The following PIK3C2G variants were observed in gnomAD, a reference collection of about 807,000 sequenced individuals.
The protein encoded by PIK3C2G is phosphatidylinositol-4-phosphate 3-kinase catalytic subunit type 2 gamma, also known as phosphatidylinositol 3-kinase C2 domain-containing subunit gamma.
Under a neutral mutation model 181.1 loss-of-function variants are expected in PIK3C2G, and 168 were observed. The ratio of observed to expected loss-of-function variants is 0.93; its 90% CI spans 0.82 to 1.05. The LOEUF (loss-of-function observed/expected upper bound fraction) is 1.05, where lower values mean the gene tolerates loss of function less well. Among genes scored for constraint, PIK3C2G ranks in the 50% least tolerant of loss-of-function variants. PIK3C2G has a pLI of 0.00. For synonymous variants in PIK3C2G, 573 were observed against 592.2 expected (o/e 0.97, Z 0.47); for missense variants, 1,869 against 1,732.8 (o/e 1.08, Z -1.40).
the PIK3C2G span, chr12:18,701,641 C>G: frequency 1.3e-6 from 2 of 1,598,788 alleles, no homozygotes; most frequent in Admixed American, 1.7e-5. Flanking sequence ...TCCTCCTCCT[C>G]CTCCTCCTCC....
the PIK3C2G span, among the ~76,000 whole-genome samples, chr12:18,681,438 A>C: frequency 6.6e-6 from 1 of 152,070 alleles, no homozygotes; most frequent in Admixed American, 6.6e-5. Context: ...CCTAAAAAGC[A>C]TTAATCAAAT....
the PIK3C2G span, among the ~76,000 whole-genome samples, chr12:18,665,948 A>AT: frequency 6.6e-6 from 1 of 151,376 alleles, no homozygotes; most frequent in Non-Finnish European, 1.5e-5. Context: ...AAAAAAAAAA[A>AT]ACTAGTTGGG....
chr12:18,664,528 A>G, the PIK3C2G span, among the ~76,000 whole-genome samples: 1 of 152,166 alleles, frequency 6.6e-6, no homozygotes, highest in Admixed American at 6.5e-5. Context: ...ACAAAAAGAT[A>G]AAGTATGATT....
intron 26 of PIK3C2G, among the ~76,000 whole-genome samples, chr12:18,556,924 A>G (rs1945043478): frequency 6.6e-6 from 1 of 152,160 alleles, no homozygotes; most frequent in African/African-American, 2.4e-5. Flanking sequence ...TTAAGACCAG[A>G]ACAAGATAAA....
intron 31 of PIK3C2G, among the ~76,000 whole-genome samples, chr12:18,631,940 A>C (rs191619401): frequency 6.6e-6 from 1 of 152,306 alleles, no homozygotes; most frequent in East Asian, 1.9e-4. Context: ...AGAGATTCTT[A>C]TTTGGGAGTC....
intron 18 of PIK3C2G, among the ~76,000 whole-genome samples, chr12:18,437,975 TA>T (rs1330238263): frequency 2.0e-5 from 3 of 151,870 alleles, no homozygotes; most frequent in Non-Finnish European, 4.4e-5. Context: ...ATGCACATAA[TA>T]GATAACGCTT....
the PIK3C2G span, among the ~76,000 whole-genome samples, chr12:18,680,037 A>G: frequency 8.7e-4 from 133 of 152,168 alleles, no homozygotes; most frequent in African/African-American, 2.6e-3. Flanking sequence ...TTTAGAATGC[A>G]TCATAAGAAC....
At chr12:18,244,449 TAAAC>T (rs1948018656), upstream of PIK3C2G, among the ~76,000 whole-genome samples, 1 of 152,022 alleles carries the variant, frequency 6.6e-6, no homozygotes, top group African/African-American at 2.4e-5. Flanking sequence ...GAAAATTTAG[TAAAC>T]AAGAACTTTT....
At chr12:18,286,691 C>T (rs1275023426) in intron 2 of PIK3C2G, among the ~76,000 whole-genome samples, 156 bp from the exon 3 acceptor site, 2 of 151,932 alleles carry the variant, frequency 1.3e-5, no homozygotes, top group African/African-American at 4.8e-5. Flanking sequence ...AAGATCTGTG[C>T]ATTTTTCTAT....
chr12:18,268,584 C>T (rs1948610261), intron 1 of PIK3C2G, among the ~76,000 whole-genome samples: 1 of 152,102 alleles, frequency 6.6e-6, no homozygotes, highest in African/African-American at 2.4e-5. Context: ...TCTTAGACTA[C>T]ATTGATTTTT....
At chr12:18,680,007 C>G in the PIK3C2G span, among the ~76,000 whole-genome samples, 1 of 151,946 alleles carries the variant, frequency 6.6e-6, no homozygotes, top group South Asian at 2.1e-4. Flanking sequence ...ATAGAATGCT[C>G]AAATTTTATG....
chr12:18,693,032 G>A, the PIK3C2G span: 1 of 1,442,798 alleles, frequency 6.9e-7, no homozygotes. Flanking sequence ...AGGAACAAAT[G>A]AAACCATTAG....
chr12:18,294,849 A>C (rs1023922369), intron 5 of PIK3C2G, among the ~76,000 whole-genome samples: 4 of 151,806 alleles, frequency 2.6e-5, no homozygotes, highest in Non-Finnish European at 5.9e-5. Context: ...TGGAAGTAAA[A>C]ATGTATTTCC....
chr12:18,680,073 TG>T, the PIK3C2G span, among the ~76,000 whole-genome samples: 1 of 151,856 alleles, frequency 6.6e-6, no homozygotes, highest in African/African-American at 2.4e-5. Flanking sequence ...ATATTTCCAG[TG>T]TGTTATTACT....
intron 16 of PIK3C2G, among the ~76,000 whole-genome samples, chr12:18,400,201 T>C (rs1216138701): frequency 6.6e-6 from 1 of 152,162 alleles, no homozygotes; most frequent in Non-Finnish European, 1.5e-5. Context: ...TATTAAAATA[T>C]GCAAAGTTTA....
chr12:18,536,413 A>C (rs1315115149), intron 24 of PIK3C2G, among the ~76,000 whole-genome samples: 1 of 152,080 alleles, frequency 6.6e-6, no homozygotes, highest in East Asian at 1.9e-4. Context: ...TCTTATCTCC[A>C]TTTTACAAAG....
intron 14 of PIK3C2G, among the ~76,000 whole-genome samples, chr12:18,383,905 A>G (rs117998379): frequency 8.7e-4 from 132 of 151,830 alleles, no homozygotes; most frequent in East Asian, 7.9e-3. Context: ...CTGGGGTCCA[A>G]TGATCCTGTC....
intron 5 of PIK3C2G, among the ~76,000 whole-genome samples, chr12:18,301,758 A>G (rs1950185882): frequency 6.6e-6 from 1 of 151,984 alleles, no homozygotes; most frequent in African/African-American, 2.4e-5. Flanking sequence ...GTTCTCTTGA[A>G]GATTCATATT....
chr12:18,390,530 G>T (rs762825498), intron 14 of PIK3C2G, among the ~76,000 whole-genome samples: 20 of 152,150 alleles, frequency 1.3e-4, no homozygotes, highest in Non-Finnish European at 2.4e-4. Flanking sequence ...AAAGGAGGCT[G>T]GATTCTAGAA....
Sources: allele counts gnomAD v4.1 joint callset (sites outside exome capture counted in the v4.1 genomes callset), GRCh38; gene constraint gnomAD v4.1.1; transcripts MANE v1.5; gene names NCBI Gene and HGNC (gene_info 2026-07-23, HGNC 2026-07-21).